Variants in LIG1 observed in about 807,000 individuals in gnomAD.
LIG1 encodes ligase I, DNA, ATP-dependent.
In LIG1, 70 loss-of-function variants were observed where a neutral mutation model predicts 115.7. That is an observed-to-expected ratio of 0.60 (90% CI 0.50 to 0.74). The LOEUF (loss-of-function observed/expected upper bound fraction) is 0.74, where lower values mean the gene tolerates loss of function less well. Ranked by LOEUF, LIG1 falls within the 30% of genes least tolerant of loss-of-function variation. The probability of loss-of-function intolerance (pLI) is 0.00; values close to 1 mark genes in which losing one functional copy is unlikely to be tolerated. For missense variants in LIG1, 1,115 were observed against 1,225.6 expected, an observed-to-expected ratio of 0.91 and a Z score of 1.35; for synonymous variants, 487 against 495.3, an observed-to-expected ratio of 0.98 and a Z score of 0.22.
At position 48,143,878 on chromosome 19, in the gene LIG1, C is replaced by CGG; in HGVS notation, c.857+4_857+5insCC. 1.9e-6 allele frequency: 3 copies of CGG among 1,608,288 alleles called. No individual in the cohort carries two copies. Among genetic ancestry groups the CGG allele is most frequent in the South Asian group, 1.1e-5 (1 of 90,936 alleles). ...GGGGACAGTCTGAAAAGGGAGAAAC[C>CGG]TCACTTCTGGCCCGGTTTCCAGCAG... On this transcript the variant is annotated splice_donor_region_variant and intron_variant, in intron 10 of 27. Transcript: ENST00000263274.
chr19:48,139,080 C>T (rs3730954), intron 12 of LIG1, among the ~76,000 whole-genome samples: 23,108 of 152,166 alleles, frequency 0.15, 2,062 homozygotes, highest in African/African-American at 0.25. Flanking sequence ...TCTCCCCAGG[C>T]GGATGAGAAC....
intron 9 of LIG1, among the ~76,000 whole-genome samples, chr19:48,148,701 A>AT (rs1264682567): frequency 2.0e-5 from 3 of 152,078 alleles, no homozygotes; most frequent in Non-Finnish European, 4.4e-5. Flanking sequence ...TAGGATATTT[A>AT]TCCACCCACG....
intron 21 of LIG1, among the ~76,000 whole-genome samples, chr19:48,125,122 T>C (rs890654680): frequency 6.6e-6 from 1 of 152,078 alleles, no homozygotes; most frequent in Non-Finnish European, 1.5e-5. Flanking sequence ...ATAAAAAAAT[T>C]TGTAAAAGTA....
chr19:48,121,695 G>A (rs1302364182), intron 23 of LIG1, among the ~76,000 whole-genome samples: 1 of 152,206 alleles, frequency 6.6e-6, no homozygotes, highest in Non-Finnish European at 1.5e-5. Flanking sequence ...CAGCTACTTG[G>A]GAGGCTGAGG....
intron 21 of LIG1, among the ~76,000 whole-genome samples, chr19:48,126,802 T>G (rs2122463802): frequency 6.6e-6 from 1 of 151,980 alleles, no homozygotes; most frequent in African/African-American, 2.4e-5. Flanking sequence ...CAGGCTGGTC[T>G]TGAACTACTG....
In LIG1 at chr19:48,143,910, T is replaced by TC; in HGVS notation, c.829dup (p.Glu277GlyfsTer21). On this transcript the variant is annotated frameshift_variant, in exon 10 of 28. Transcript: ENST00000263274. LOFTEE classifies it high-confidence loss of function. Reference sequence around the variant, plus strand: ...CTGGCCCGGTTTCCAGCAGGCATCTTCCACGGGATGATAGTTGTTCTTGGC... The same window carrying TC: ...CTGGCCCGGTTTCCAGCAGGCATCTTCCCACGGGATGATAGTTGTTCTTGGC... 1.2e-6 allele frequency: 2 copies of TC among 1,614,040 alleles called. No homozygotes were observed. The highest frequency in any genetic ancestry group is 1.7e-6 in the Non-Finnish European group (2 of 1,179,978).
Position 48,165,596 on chromosome 19 carries a change from A to G in LIG1, c.-30T>C, listed in dbSNP as rs2036435311. The G allele has an allele frequency of 1.1e-5, 17 of 1,614,008 alleles. No homozygotes were observed. Among genetic ancestry groups the G allele is most frequent in the African/African-American group, 1.3e-5 (1 of 74,918 alleles). The stretch of plus-strand genomic sequence containing the variant: ...GCGTCAGAATTCTCCCTTCCTGTCC[A>G]GCACTTTTCTTCGTCTGTCAGCTGC... On this transcript the variant is annotated 5_prime_UTR_variant, in exon 2 of 28. Coordinates refer to ENST00000263274, the MANE Select transcript of LIG1 (RefSeq NM_000234.3).
At chr19:48,168,809 C>G (rs1282801878) in intron 1 of LIG1, among the ~76,000 whole-genome samples, 2 of 152,198 alleles carry the variant, frequency 1.3e-5, no homozygotes, top group Non-Finnish European at 2.9e-5. Context: ...AGCGCATACA[C>G]TGAAAACCAC....
chr19:48,143,906 A>G lies in LIG1; in HGVS notation c.834T>C (p.Asp278=). Residue 278 remains aspartate, a synonymous_variant, in exon 10 of 28, where the codon GAT becomes GAC. Transcript: ENST00000263274. ...PAKNNYHPVE[D]ACWKPGQKVP... ...ACTTCTGGCCCGGTTTCCAGCAGGCATCTTCCACGGGATGATAGTTGTTCT... is the reference window on the plus strand; with the variant it reads ...ACTTCTGGCCCGGTTTCCAGCAGGCGTCTTCCACGGGATGATAGTTGTTCT... The G allele has an allele frequency of 6.2e-7, 1 of 1,614,098 alleles. No homozygotes were observed.
rs1224903292 is a variant in LIG1 at position 48,139,962 on chromosome 19, C to T, written c.1087+9G>A. The T allele has an allele frequency of 4.3e-6, 7 of 1,614,020 alleles. No individual in the cohort carries two copies. Among genetic ancestry groups the T allele is most frequent in the Non-Finnish European group, 5.9e-6 (7 of 1,179,930 alleles). On this transcript the variant is annotated intron_variant, in intron 12 of 27. Coordinates refer to ENST00000263274, the MANE Select transcript of LIG1 (RefSeq NM_000234.3). Reference sequence around the variant, plus strand: ...TCCTTCTGGTCCCTCCAACCACAGTCCCCCTTACCTGTGGCCTGGGCCACT... The same window carrying T: ...TCCTTCTGGTCCCTCCAACCACAGTTCCCCTTACCTGTGGCCTGGGCCACT...
intron 9 of LIG1, among the ~76,000 whole-genome samples, chr19:48,148,249 A>C (rs913781923): frequency 7.2e-5 from 11 of 152,094 alleles, no homozygotes; most frequent in Non-Finnish European, 1.3e-4. Flanking sequence ...TGAGGCGGCC[A>C]GAACACCTGA....
intron 11 of LIG1, among the ~76,000 whole-genome samples, chr19:48,141,421 C>T (rs2034745456): frequency 6.6e-6 from 1 of 152,214 alleles, no homozygotes; most frequent in Non-Finnish European, 1.5e-5. Flanking sequence ...CGTGAGCCAA[C>T]ACGGCCAGCC....
At chr19:48,161,640 G>A (rs2036183821) in intron 3 of LIG1, 133 bp from the exon 4 acceptor site, 2 of 1,068,400 alleles carry the variant, frequency 1.9e-6, no homozygotes, top group Non-Finnish European at 2.8e-6. Flanking sequence ...TTTTCTGGTT[G>A]TCTCCTCAGC....
chr19:48,150,939 AGTC>A (rs998190090), intron 7 of LIG1, among the ~76,000 whole-genome samples: 13 of 151,808 alleles, frequency 8.6e-5, no homozygotes, highest in African/African-American at 3.1e-4. Flanking sequence ...GGGCTCAAGT[AGTC>A]CACCCACCTC....
At chr19:48,127,087 A>G (rs777220468) in intron 21 of LIG1, 190 bp downstream of exon 21, 2 of 607,238 alleles carry the variant, frequency 3.3e-6, no homozygotes, top group Admixed American at 2.6e-5. Context: ...GGGACCTTGA[A>G]GATGTCCTTG....
intron 21 of LIG1, among the ~76,000 whole-genome samples, chr19:48,125,583 C>T (rs775889855): frequency 3.9e-5 from 6 of 152,124 alleles, no homozygotes; most frequent in Non-Finnish European, 7.3e-5. Flanking sequence ...AGGCAAGTCA[C>T]GGAACAAATG....
In LIG1 at chr19:48,120,996, A is replaced by T; in HGVS notation, c.2385+174T>A. The stretch of plus-strand genomic sequence containing the variant: ...TCTTTCTATCCCAGCCTGTTTTTCT[A>T]TATGAAGCAAGAGTTGCTCATAGAA... On this transcript the variant is annotated intron_variant, in intron 24 of 27. Transcript: ENST00000263274. 3.4e-6 allele frequency: 5 copies of T among 1,487,872 alleles called. No individual in the cohort carries two copies. The South Asian group carries it at 6.9e-5, about 21-fold the overall frequency. The allele number at this position is 1,487,872 out of a possible 1,614,324, so 92.2% of individuals were successfully genotyped here. A position where few individuals can be genotyped will look rare whatever the true frequency, so the allele number is the denominator to read the frequency against.
In LIG1 at chr19:48,129,625, C is replaced by A. The variant is rs573624143; in HGVS notation, c.1821+1451G>T. Among the ~76,000 whole-genome samples, 3 of 152,206 alleles carry A rather than the reference C, an allele frequency of 2.0e-5. No homozygotes were observed. The South Asian group carries it at 6.2e-4, about 32-fold the overall frequency. On this transcript the variant is annotated intron_variant, in intron 19 of 27. Coordinates refer to ENST00000263274, the MANE Select transcript of LIG1 (RefSeq NM_000234.3). The stretch of plus-strand genomic sequence containing the variant: ...GACTAGTGCCATATTATACCACCAA[C>A]AGGAAGCTCTAGAACAGGTAAAACC...
chr19:48,139,454 C>T (rs1277743600), intron 12 of LIG1, among the ~76,000 whole-genome samples: 1 of 152,126 alleles, frequency 6.6e-6, no homozygotes, highest in Non-Finnish European at 1.5e-5. Flanking sequence ...CCCTTGCCTG[C>T]TCACAATCCT....
Sources: gnomAD v4.1 joint callset for allele counts (sites outside exome capture counted in the v4.1 genomes callset) on GRCh38, gnomAD v4.1.1 for gene constraint, MANE v1.5 for transcripts, NCBI Gene and HGNC (gene_info 2026-07-23, HGNC 2026-07-21) for gene names.